Variants in CAMK2G observed in about 807,000 individuals in gnomAD.
CAMK2G encodes calcium/calmodulin-dependent protein kinase type II subunit gamma.
Under a neutral mutation model 88.7 loss-of-function variants are expected in CAMK2G, and 23 were observed. The ratio of observed to expected loss-of-function variants is 0.26; its 90% CI spans 0.19 to 0.37. CAMK2G has a LOEUF of 0.37. Among genes scored for constraint, CAMK2G ranks in the 10% least tolerant of loss-of-function variants. CAMK2G has a pLI of 1.00. For missense variants in CAMK2G, 476 were observed against 780.8 expected (o/e 0.61, Z 4.65); for synonymous variants, 263 against 294.8 (o/e 0.89, Z 1.11).
chr10:73,816,540 A>G lies in CAMK2G; in HGVS notation c.1534+483T>C, dbSNP rs185101250. 106 of 729,740 alleles carry G rather than the reference A, an allele frequency of 1.5e-4. 1 individual carries two copies. The highest frequency in any genetic ancestry group is 9.5e-6 in the Non-Finnish European group (5 of 525,376). 45.2% of individuals were successfully genotyped at this position (729,740 alleles called of 1,614,324 possible). On this transcript the variant is annotated intron_variant, in intron 21 of 22. Coordinates refer to ENST00000423381, the MANE Select transcript of CAMK2G (RefSeq NM_001367534.1). Reference sequence around the variant, plus strand: ...CAGTGGCCTGATCTTGGCTCACTGCAAGCTCTGCCTCCCAGGTTCACATCA... The same window carrying G: ...CAGTGGCCTGATCTTGGCTCACTGCGAGCTCTGCCTCCCAGGTTCACATCA...
rs1017102970 is a variant in CAMK2G, at chr10:73,815,224, T to C, written c.1558A>G (p.Ile520Val). The C allele has an allele frequency of 3.1e-6, 5 of 1,614,104 alleles. No homozygotes were observed. The highest frequency in any genetic ancestry group is 3.4e-6 in the Non-Finnish European group (4 of 1,179,920). ...TGTGGGTTTAGGATGGTGGTATGGA[T>C]AGGCTTGCTGTTCTTGGACAGGACT... Reference protein sequence around the residue: ...ENLLSKNSKPIHTTILNPHVH... With the variant: ...ENLLSKNSKPVHTTILNPHVH... The change falls in exon 22 of 23, where the codon ATC (isoleucine) becomes GTC (valine). Residue 520 changes from isoleucine (I) to valine (V), a missense_variant. Coordinates refer to ENST00000423381, the MANE Select transcript of CAMK2G (RefSeq NM_001367534.1).
intron 18 of CAMK2G, 64 bp downstream of exon 18, chr10:73,821,618 C>A: frequency 8.0e-7 from 1 of 1,245,318 alleles, no homozygotes; most frequent in Non-Finnish European, 1.2e-6. Context: ...GGCAGGTGCC[C>A]CATTGGAGCC....
rs556699547 is a variant in CAMK2G, at chr10:73,819,769, G to A, written c.1250-124C>T. ...TGGCGCTGCAGAGCCGGGGCAAGGG[G>A]ACGCCTCGCCTCAGGCTGCTGTGGA... On this transcript the variant is annotated intron_variant, in intron 18 of 22. Transcript: ENST00000423381. 1.6e-5 allele frequency: 10 copies of A among 622,248 alleles called. No individual in the cohort carries two copies. The African/African-American group carries it at 1.9e-4, about 12-fold the overall frequency. The allele number at this position is 622,248 out of a possible 1,614,324, so 38.5% of individuals were successfully genotyped here. A position where few individuals can be genotyped will look rare whatever the true frequency, so the allele number is the denominator to read the frequency against.
chr10:73,847,032 C>A (rs998958303), intron 10 of CAMK2G, 193 bp downstream of exon 10: 8 of 576,938 alleles, frequency 1.4e-5, no homozygotes, highest in Admixed American at 9.1e-5. Flanking sequence ...CAGTGGCCCA[C>A]CAGCCCCATC....
At chr10:73,837,202 C>G in intron 14 of CAMK2G, 1 of 486,366 alleles carries the variant, frequency 2.1e-6, no homozygotes, top group Non-Finnish European at 3.8e-6. Context: ...GTGTAGAAGT[C>G]AGGTTCCGGA....
At chr10:73,861,007 G>A (rs1428536814) in intron 2 of CAMK2G, 118 bp from the exon 3 acceptor site, 4 of 735,102 alleles carry the variant, frequency 5.4e-6, no homozygotes, top group Non-Finnish European at 9.8e-6. Flanking sequence ...ATTTGCTGAA[G>A]TAATGCAGCA....
intron 14 of CAMK2G, among the ~76,000 whole-genome samples, chr10:73,832,508 T>C (rs1375916370): frequency 4.6e-5 from 7 of 152,076 alleles, no homozygotes; most frequent in Admixed American, 3.9e-4. Context: ...GGTTTCACCA[T>C]GTTGGCCAGG....
intron 15 of CAMK2G, 22 bp downstream of exon 15, chr10:73,828,067 T>C: frequency 6.2e-7 from 1 of 1,608,482 alleles, no homozygotes; most frequent in Non-Finnish European, 8.5e-7. Flanking sequence ...GAGTGGGCGA[T>C]GGGTGGGCAG....
Position 73,852,353 on chromosome 10 carries a change from G to C in CAMK2G, c.276-34C>G, listed in dbSNP as rs758674329. On this transcript the variant is annotated intron_variant, in intron 4 of 22. Coordinates refer to ENST00000423381, the MANE Select transcript of CAMK2G (RefSeq NM_001367534.1). The stretch of plus-strand genomic sequence containing the variant: ...AACGGGAAGAAGAGGGTCAGAGGCA[G>C]AAAGGGTCCTTTGTCCAACCCCAAT... The C allele has an allele frequency of 3.2e-6, 5 of 1,585,282 alleles. No homozygotes were observed. The African/African-American group carries it at 6.7e-5, about 21-fold the overall frequency.
At chr10:73,821,192 C>T (rs1414196810) in intron 18 of CAMK2G, among the ~76,000 whole-genome samples, 4 of 152,036 alleles carry the variant, frequency 2.6e-5, no homozygotes, top group Non-Finnish European at 5.9e-5. Flanking sequence ...CTCCTGGTCT[C>T]AAGCAATCCT....
intron 14 of CAMK2G, among the ~76,000 whole-genome samples, chr10:73,834,454 C>T (rs568700133): frequency 1.3e-5 from 2 of 152,168 alleles, no homozygotes; most frequent in Non-Finnish European, 2.9e-5. Flanking sequence ...AGGTTCCCCA[C>T]GCACGTCCTC....
In CAMK2G at chr10:73,819,816, G is replaced by A. The variant is rs188067329; in HGVS notation, c.1250-171C>T. 9.5e-4 allele frequency among the ~76,000 whole-genome samples: 144 copies of A among 152,326 alleles called. 2 individuals carry two copies. Among genetic ancestry groups the A allele is most frequent in the East Asian group, 3.7e-3 (19 of 5,184 alleles). On this transcript the variant is annotated intron_variant, in intron 18 of 22. Transcript: ENST00000423381. The stretch of plus-strand genomic sequence containing the variant: ...TGGACACTGGACGACATCCCACGCC[G>A]CCGCCTCTGCCAGAGAGGCCTCCCA...
At chr10:73,824,332 G>T (rs1276259227) in intron 16 of CAMK2G, among the ~76,000 whole-genome samples, 1 of 152,206 alleles carries the variant, frequency 6.6e-6, no homozygotes, top group Non-Finnish European at 1.5e-5. Flanking sequence ...AGGTGCCCAG[G>T]AGGCTGACAG....
chr10:73,864,214 C>T (rs770633218), intron 2 of CAMK2G, among the ~76,000 whole-genome samples: 1 of 151,888 alleles, frequency 6.6e-6, no homozygotes, highest in Non-Finnish European at 1.5e-5. Flanking sequence ...GCCAAATGTG[C>T]TCACTAGAAC....
At chr10:73,867,338 C>T (rs2095632102) in intron 2 of CAMK2G, among the ~76,000 whole-genome samples, 1 of 152,264 alleles carries the variant, frequency 6.6e-6, no homozygotes, top group Non-Finnish European at 1.5e-5. Flanking sequence ...AGGCAAGGCT[C>T]TGCCTGGGGG....
At chr10:73,867,715 G>A (rs951822248) in intron 2 of CAMK2G, among the ~76,000 whole-genome samples, 1 of 152,176 alleles carries the variant, frequency 6.6e-6, no homozygotes, top group Non-Finnish European at 1.5e-5. Context: ...CAACGAGGAG[G>A]GATTTGCTCC....
At chr10:73,835,411 C>T (rs528627377) in intron 14 of CAMK2G, among the ~76,000 whole-genome samples, 8 of 151,840 alleles carry the variant, frequency 5.3e-5, no homozygotes, top group Non-Finnish European at 1.2e-4. Flanking sequence ...ATTCTCTTAC[C>T]TCAGCCTCCC....
chr10:73,822,005 A>G (rs533292564), intron 17 of CAMK2G, among the ~76,000 whole-genome samples: 5 of 152,182 alleles, frequency 3.3e-5, no homozygotes, highest in African/African-American at 7.2e-5. Context: ...AGATCGCCCA[A>G]TCTAAAATAA....
chr10:73,830,447 T>A (rs1372796544), intron 14 of CAMK2G, among the ~76,000 whole-genome samples: 2 of 152,254 alleles, frequency 1.3e-5, no homozygotes, highest in East Asian at 3.8e-4. Context: ...AAATGCCAGA[T>A]GATTTCTAAA....
Sources: gnomAD v4.1 joint callset for allele counts (sites outside exome capture counted in the v4.1 genomes callset) on GRCh38, gnomAD v4.1.1 for gene constraint, MANE v1.5 for transcripts, NCBI Gene and HGNC (gene_info 2026-07-23, HGNC 2026-07-21) for gene names.